SLC22A3: variants seen among roughly 807,000 people sequenced by gnomAD.
The protein encoded by SLC22A3 is solute carrier family 22 member 3.
A neutral mutation model predicts 59.1 loss-of-function variants in SLC22A3; 51 were observed. The ratio of observed to expected loss-of-function variants is 0.86; its 90% CI spans 0.69 to 1.09. The LOEUF is 1.09. Ranked by LOEUF, SLC22A3 falls within the 50% of genes least tolerant of loss-of-function variation. The pLI is 0.00. For synonymous variants in SLC22A3, 325 were observed against 292.0 expected (o/e 1.11, Z -1.15); for missense variants, 711 against 726.3 (o/e 0.98, Z 0.24).
At chr6:160,426,070 C>G in intron 5 of SLC22A3, 1 of 985,364 alleles carries the variant, frequency 1.0e-6, no homozygotes, top group Middle Eastern at 5.2e-4. Flanking sequence ...AATCAAGAAC[C>G]AGAAAAGTAA....
chr6:160,360,768 C>T (rs1252633328), intron 1 of SLC22A3, among the ~76,000 whole-genome samples: 2 of 152,080 alleles, frequency 1.3e-5, no homozygotes, highest in African/African-American at 4.8e-5. Context: ...TTAACTCCCC[C>T]CCGCCCCAAC....
chr6:160,360,706 AT>A (rs1583443544), intron 1 of SLC22A3, among the ~76,000 whole-genome samples: 2 of 152,242 alleles, frequency 1.3e-5, no homozygotes, highest in East Asian at 3.9e-4. Context: ...TCCACGCTCT[AT>A]TTCCCTTTGC....
intron 1 of SLC22A3, among the ~76,000 whole-genome samples, chr6:160,350,300 G>A (rs1784617387): frequency 6.6e-6 from 1 of 151,928 alleles, no homozygotes; most frequent in Non-Finnish European, 1.5e-5. Flanking sequence ...CGCACACTGA[G>A]TGGCTCTATG....
intron 1 of SLC22A3, among the ~76,000 whole-genome samples, chr6:160,387,533 T>A (rs950330223): frequency 6.6e-6 from 1 of 152,224 alleles, no homozygotes; most frequent in African/African-American, 2.4e-5. Context: ...AACCTTAAAA[T>A]GTCAATGTAT....
chr6:160,410,835 A>G lies in SLC22A3; in HGVS notation c.964A>G (p.Asn322Asp). ...AKCNGKYLSSNYSEITVTDEE... is the reference protein window; with the variant it reads ...AKCNGKYLSSDYSEITVTDEE... Reference sequence around the variant, plus strand: ...GTGCAATGGGAAATACCTCTCATCAAATTACTCAGAGGTAATTTCTTTCAG... The same window carrying G: ...GTGCAATGGGAAATACCTCTCATCAGATTACTCAGAGGTAATTTCTTTCAG... Residue 322 changes from asparagine (N) to aspartate (D), a missense_variant, in exon 5 of 11, where the codon AAT becomes GAT. Asn to Asp is a conservative substitution (Grantham distance 23). Coordinates refer to ENST00000275300, the MANE Select transcript of SLC22A3 (RefSeq NM_021977.4). 1 of 1,595,580 alleles carries G rather than the reference A, an allele frequency of 6.3e-7. No homozygotes were observed. The highest frequency in any genetic ancestry group is 1.3e-5 in the African/African-American group (1 of 74,656).
At chr6:160,355,407 C>T (rs1487435075) in intron 1 of SLC22A3, among the ~76,000 whole-genome samples, 1 of 152,184 alleles carries the variant, frequency 6.6e-6, no homozygotes, top group East Asian at 1.9e-4. Context: ...GGGACATGTG[C>T]CACAGCTGTC....
chr6:160,383,411 T>C (rs890964548), intron 1 of SLC22A3, among the ~76,000 whole-genome samples: 2 of 152,196 alleles, frequency 1.3e-5, no homozygotes, highest in African/African-American at 4.8e-5. Flanking sequence ...CAGCCTCCGA[T>C]AGATATTGCA....
At chr6:160,355,066 C>T (rs530116146) in intron 1 of SLC22A3, among the ~76,000 whole-genome samples, 4 of 152,296 alleles carry the variant, frequency 2.6e-5, no homozygotes, top group African/African-American at 9.6e-5. Flanking sequence ...CCACAGCTCC[C>T]CTCCACACCA....
intron 1 of SLC22A3, among the ~76,000 whole-genome samples, chr6:160,385,861 G>A (rs769664322): frequency 5.9e-5 from 9 of 152,136 alleles, no homozygotes; most frequent in Non-Finnish European, 1.2e-4. Flanking sequence ...TTCTATCTGT[G>A]GCTTGGAATT....
intron 1 of SLC22A3, among the ~76,000 whole-genome samples, chr6:160,353,565 A>T (rs1784730547): frequency 6.6e-6 from 1 of 152,198 alleles, no homozygotes; most frequent in Admixed American, 6.5e-5. Context: ...ACCTCTGAGT[A>T]CAAGGAGGAG....
intron 1 of SLC22A3, among the ~76,000 whole-genome samples, chr6:160,394,642 C>A (rs1786399302): frequency 6.6e-6 from 1 of 152,226 alleles, no homozygotes; most frequent in Non-Finnish European, 1.5e-5. Flanking sequence ...ATGGCAAGAT[C>A]CCAGTCACAA....
Position 160,416,465 on chromosome 6 carries a change from TA to T in SLC22A3, c.975+5631del, listed in dbSNP as rs201190049. Among the ~76,000 whole-genome samples, 375 of 142,258 alleles carry T rather than the reference TA, an allele frequency of 2.6e-3. 4 individuals carry two copies. The highest frequency in any genetic ancestry group is 0.019 in the South Asian group (84 of 4,382). The allele number at this position is 142,258 out of a possible 152,430, so 93.3% of individuals were successfully genotyped here. On this transcript the variant is annotated intron_variant, in intron 5 of 10. Coordinates refer to ENST00000275300, the MANE Select transcript of SLC22A3 (RefSeq NM_021977.4). ...CATACGATAACTTTTAAGGCTTACTTAAAAAAAAAAAACAAATTATGGGTAA... is the reference window on the plus strand; with the variant it reads ...CATACGATAACTTTTAAGGCTTACTTAAAAAAAAAAACAAATTATGGGTAA...
At position 160,433,485 on chromosome 6, in the gene SLC22A3, C is replaced by T. The variant is rs983142826; in HGVS notation, c.976-3295C>T. On this transcript the variant is annotated intron_variant, in intron 5 of 10. Transcript: ENST00000275300. ...ATTGTTCAAGCCCAGGAGTTCAAGA[C>T]CAGCCTGGGCAACACAGCAAGACCC... 9.2e-5 allele frequency among the ~76,000 whole-genome samples: 14 copies of T among 151,786 alleles called. 1 individual carries two copies. Among genetic ancestry groups the T allele is most frequent in the Admixed American group, 5.9e-4 (9 of 15,222 alleles).
chr6:160,436,986 T>C lies in SLC22A3; in HGVS notation c.1074-11T>C. 1 of 1,614,182 alleles carries C rather than the reference T, an allele frequency of 6.2e-7. No homozygotes were observed. Among genetic ancestry groups the C allele is most frequent in the Non-Finnish European group, 8.5e-7 (1 of 1,179,986 alleles). On this transcript the variant is annotated splice_polypyrimidine_tract_variant and intron_variant, in intron 6 of 10. Transcript: ENST00000275300. Reference sequence around the variant, plus strand: ...TTACTTGTTCTCTGGTGTCTTTCAATGTTGCTACAGGTTCACAAGCGCAGT... The same window carrying C: ...TTACTTGTTCTCTGGTGTCTTTCAACGTTGCTACAGGTTCACAAGCGCAGT...
intron 1 of SLC22A3, among the ~76,000 whole-genome samples, chr6:160,358,897 G>A (rs1784927810): frequency 6.6e-6 from 1 of 152,182 alleles, no homozygotes; most frequent in South Asian, 2.1e-4. Context: ...GGAAATCCCA[G>A]GACAGGACTA....
chr6:160,377,748 A>G (rs2114788166), intron 1 of SLC22A3, among the ~76,000 whole-genome samples: 1 of 150,440 alleles, frequency 6.6e-6, no homozygotes, highest in African/African-American at 2.5e-5. Flanking sequence ...CAAAAGAACA[A>G]AACACAAAGT....
intron 2 of SLC22A3, among the ~76,000 whole-genome samples, chr6:160,400,084 ATTTTTTTTTTTT>A (rs760874011): frequency 9.4e-5 from 9 of 95,438 alleles, no homozygotes; most frequent in South Asian, 3.8e-4. Context: ...AGCTTTTGTG[ATTTTTTTTTTTT>A]TTTTTTTTTT....
intron 5 of SLC22A3, among the ~76,000 whole-genome samples, chr6:160,422,751 A>T (rs1787790302): frequency 1.3e-5 from 2 of 148,360 alleles, no homozygotes; most frequent in African/African-American, 4.9e-5. Flanking sequence ...GATTTAGATG[A>T]TGTTAGGGAA....
Position 160,404,199 on chromosome 6 carries a change from CCA to C in SLC22A3, c.534-2841_534-2840del, listed in dbSNP as rs201171762. ...TCAAAAGAATTAACAACAACAACAA[CCA>C]AAAAAAAAAACTCCTGAAACTAATA... On this transcript the variant is annotated intron_variant, in intron 2 of 10. Coordinates refer to ENST00000275300, the MANE Select transcript of SLC22A3 (RefSeq NM_021977.4). 0.025 allele frequency among the ~76,000 whole-genome samples: 1,100 copies of C among 43,316 alleles called. 14 individuals carry two copies. The East Asian group carries it at 0.47, about 19-fold the overall frequency. The allele number at this position is 43,316 out of a possible 152,430, so 28.4% of individuals were successfully genotyped here.
Sources: allele counts gnomAD v4.1 joint callset (sites outside exome capture counted in the v4.1 genomes callset), GRCh38; gene constraint gnomAD v4.1.1; transcripts MANE v1.5; gene names NCBI Gene and HGNC (gene_info 2026-07-23, HGNC 2026-07-21).